The following APBB2 variants were observed in gnomAD, a reference collection of about 807,000 sequenced individuals.
The protein encoded by APBB2 is amyloid beta precursor protein binding family B member 2, also known as Fe65-like 1.
In APBB2, 38 loss-of-function variants were observed where a neutral mutation model predicts 82.5. The ratio of observed to expected loss-of-function variants is 0.46; its 90% CI spans 0.36 to 0.60. The LOEUF (loss-of-function observed/expected upper bound fraction) is 0.60. Ranked by LOEUF, APBB2 falls within the 20% of genes least tolerant of loss-of-function variation. The pLI, the probability that APBB2 is intolerant of heterozygous loss-of-function variation, is 0.00. For missense variants in APBB2, 772 were observed against 972.3 expected, an observed-to-expected ratio of 0.79 and a Z score of 2.74; for synonymous variants, 341 against 368.2, an observed-to-expected ratio of 0.93 and a Z score of 0.85.
intron 1 of APBB2, among the ~76,000 whole-genome samples, chr4:41,203,955 T>C (rs948166447): frequency 2.0e-5 from 3 of 152,188 alleles, no homozygotes; most frequent in Non-Finnish European, 4.4e-5. Flanking sequence ...AAAAGACCCA[T>C]CCTGGACTCT....
At chr4:40,876,798 C>G (rs1205746718) in intron 12 of APBB2, among the ~76,000 whole-genome samples, 1 of 152,174 alleles carries the variant, frequency 6.6e-6, no homozygotes, top group Admixed American at 6.6e-5. Flanking sequence ...TGTAAAAAAT[C>G]TGCAGATATA....
At chr4:41,204,098 C>G (rs1777359485) in intron 1 of APBB2, among the ~76,000 whole-genome samples, 1 of 152,146 alleles carries the variant, frequency 6.6e-6, no homozygotes, top group Non-Finnish European at 1.5e-5. Flanking sequence ...CGGTAAAGAA[C>G]AGACAGGAGG....
At chr4:40,910,464 C>G (rs138461091) in intron 10 of APBB2, among the ~76,000 whole-genome samples, 277 of 152,236 alleles carry the variant, frequency 1.8e-3, no homozygotes, top group Admixed American at 4.3e-3. Context: ...GTCTTCAACT[C>G]CTGGGCTCAA....
chr4:41,148,515 A>T (rs1580413856), intron 1 of APBB2, among the ~76,000 whole-genome samples: 1 of 152,194 alleles, frequency 6.6e-6, no homozygotes, highest in South Asian at 2.1e-4. Context: ...CTAAGAAACC[A>T]CTATGCTGCT....
In APBB2 at chr4:41,006,110, C is replaced by T. The variant is rs190350129; in HGVS notation, c.835+7473G>A. Among the ~76,000 whole-genome samples the T allele has an allele frequency of 6.0e-4, 91 of 152,344 alleles. 1 individual carries two copies. In the Middle Eastern group the frequency reaches 0.031, roughly 51 times the overall value. On this transcript the variant is annotated intron_variant, in intron 6 of 17. Coordinates refer to ENST00000508593, the MANE Select transcript of APBB2 (RefSeq NM_004307.2). The stretch of plus-strand genomic sequence containing the variant: ...GAAGGCAACCCAAAACTACTTTATT[C>T]ACTGGAACATATATTTTTGCATAGA...
At chr4:41,098,023 G>A (rs71608062) in intron 3 of APBB2, among the ~76,000 whole-genome samples, 10 of 129,314 alleles carry the variant, frequency 7.7e-5, no homozygotes, top group African/African-American at 1.6e-4. Context: ...CTCCCCTCCC[G>A]TCCCCTCCCA....
At chr4:41,194,704 G>C in intron 1 of APBB2, among the ~76,000 whole-genome samples, 2 of 152,084 alleles carry the variant, frequency 1.3e-5, no homozygotes, top group Non-Finnish European at 2.9e-5. Context: ...ACATCTGAAA[G>C]GTTATCCAGA....
At chr4:41,159,890 AAAGG>A (rs1298297934) in intron 1 of APBB2, among the ~76,000 whole-genome samples, 1 of 141,506 alleles carries the variant, frequency 7.1e-6, no homozygotes, top group African/African-American at 2.7e-5. Context: ...AAAAAAAAAA[AAAGG>A]AAGAAGAAGG....
intron 4 of APBB2, among the ~76,000 whole-genome samples, chr4:41,051,543 C>T (rs890138792): frequency 5.9e-5 from 9 of 152,196 alleles, no homozygotes; most frequent in African/African-American, 1.9e-4. Context: ...TTTCTGACTC[C>T]ATCCCTTCCT....
At chr4:40,953,033 G>A (rs1455122175) in intron 6 of APBB2, among the ~76,000 whole-genome samples, 1 of 152,060 alleles carries the variant, frequency 6.6e-6, no homozygotes, top group Non-Finnish European at 1.5e-5. Flanking sequence ...AGTGGTTCAC[G>A]CCTGTAATTC....
intron 3 of APBB2, among the ~76,000 whole-genome samples, chr4:41,075,400 G>T (rs1579805654): frequency 6.6e-6 from 1 of 152,288 alleles, no homozygotes; most frequent in South Asian, 2.1e-4. Flanking sequence ...CTGCTGTGGT[G>T]TTTACATGTT....
chr4:41,166,855 C>A (rs2154049613), intron 1 of APBB2, among the ~76,000 whole-genome samples: 1 of 152,282 alleles, frequency 6.6e-6, no homozygotes, highest in East Asian at 1.9e-4. Context: ...CGTGACCACA[C>A]CACTGCACTC....
chr4:41,051,147 A>C (rs1029047357), intron 4 of APBB2, among the ~76,000 whole-genome samples: 1 of 152,160 alleles, frequency 6.6e-6, no homozygotes, highest in Non-Finnish European at 1.5e-5. Context: ...CGGGTCTCTA[A>C]AATGCAGACA....
intron 1 of APBB2, among the ~76,000 whole-genome samples, chr4:41,154,735 C>A (rs918286341): frequency 6.6e-6 from 1 of 152,120 alleles, no homozygotes; most frequent in African/African-American, 2.4e-5. Flanking sequence ...TGGATTTTTC[C>A]CATATTGAGT....
At chr4:41,122,236 T>C (rs1300627527) in intron 2 of APBB2, among the ~76,000 whole-genome samples, 2 of 152,204 alleles carry the variant, frequency 1.3e-5, no homozygotes, top group African/African-American at 2.4e-5. Context: ...GTTTTTAATA[T>C]ATGTTAATCA....
chr4:40,895,936 G>A (rs887178652), intron 10 of APBB2, among the ~76,000 whole-genome samples: 1 of 152,184 alleles, frequency 6.6e-6, no homozygotes, highest in African/African-American at 2.4e-5. Context: ...TCAAACCTGG[G>A]CAGTTTGGCT....
intron 6 of APBB2, among the ~76,000 whole-genome samples, chr4:40,960,216 A>G (rs1441069665): frequency 3.3e-5 from 5 of 152,106 alleles, no homozygotes; most frequent in Non-Finnish European, 5.9e-5. Context: ...ACTTAAAGGG[A>G]TCAGAGTAAA....
intron 6 of APBB2, among the ~76,000 whole-genome samples, chr4:40,982,385 AG>A (rs1799149911): frequency 8.8e-5 from 1 of 11,394 alleles, no homozygotes; most frequent in African/African-American, 3.7e-4. Flanking sequence ...GAAGGAAGGA[AG>A]GAAGGAAAGG....
At chr4:41,133,999 C>G (rs908677804) in intron 2 of APBB2, among the ~76,000 whole-genome samples, 12 of 152,074 alleles carry the variant, frequency 7.9e-5, no homozygotes, top group African/African-American at 2.9e-4. Context: ...TTTAGACAGT[C>G]TTGCTCTGTC....
Sources: gnomAD v4.1 joint callset for allele counts (sites outside exome capture counted in the v4.1 genomes callset) on GRCh38, gnomAD v4.1.1 for gene constraint, MANE v1.5 for transcripts, NCBI Gene and HGNC (gene_info 2026-07-23, HGNC 2026-07-21) for gene names.